The following RTL4 variants were observed in gnomAD, a reference collection of about 807,000 sequenced individuals.
RTL4 encodes the protein retrotransposon Gag like 4.
In RTL4, 4 loss-of-function variants were observed where a neutral mutation model predicts 5.3. That is an observed-to-expected ratio of 0.75 (90% CI 0.37 to 1.72). The LOEUF is 1.72. Ranked by LOEUF, RTL4 falls within the 40% of genes most tolerant of loss-of-function variation. RTL4 has a pLI of 0.04. For synonymous variants in RTL4, 98 were observed against 87.3 expected (o/e 1.12, Z -0.68); for missense variants, 260 against 227.1 (o/e 1.14, Z -0.93).
At chrX:112,095,274 A>G in the RTL4 span, among the ~76,000 whole-genome samples, 1 of 111,192 alleles carries the variant, frequency 9.0e-6, no homozygotes, top group Admixed American at 9.6e-5. Flanking sequence ...GAGATCATTT[A>G]TTGAGGGAGG....
the RTL4 span, among the ~76,000 whole-genome samples, chrX:112,172,046 C>A: frequency 8.9e-6 from 1 of 112,175 alleles, no homozygotes; most frequent in Non-Finnish European, 1.9e-5. Context: ...AAAAAATGGG[C>A]AAAAAGGCTG....
the RTL4 span, among the ~76,000 whole-genome samples, chrX:112,269,805 A>T: frequency 8.9e-6 from 1 of 111,906 alleles, no homozygotes; most frequent in African/African-American, 3.2e-5. Context: ...AATCAAGTGC[A>T]CTGAACCAAT....
At chrX:112,448,558 G>T in the RTL4 span, among the ~76,000 whole-genome samples, 17 of 111,535 alleles carry the variant, frequency 1.5e-4, no homozygotes, top group Non-Finnish European at 2.8e-4. Flanking sequence ...TCTTCATGAT[G>T]CTCCCTCTTC....
the RTL4 span, among the ~76,000 whole-genome samples, chrX:112,216,319 T>C: frequency 1.8e-5 from 2 of 112,119 alleles, no homozygotes; most frequent in Non-Finnish European, 3.8e-5. Context: ...ACACTAACAC[T>C]ACCATTAAAT....
At chrX:112,109,428 G>A in the RTL4 span, among the ~76,000 whole-genome samples, 2 of 111,684 alleles carry the variant, frequency 1.8e-5, no homozygotes, top group Non-Finnish European at 3.8e-5. Flanking sequence ...GGTTGCTGCT[G>A]CTGGATGGGG....
chrX:112,226,952 A>G, the RTL4 span, among the ~76,000 whole-genome samples: 2 of 61,875 alleles, frequency 3.2e-5, no homozygotes, highest in African/African-American at 8.8e-5. Context: ...AAATAAAAAT[A>G]AAATAAAATA....
chrX:112,273,592 GCA>G, the RTL4 span, among the ~76,000 whole-genome samples: 1 of 111,727 alleles, frequency 9.0e-6, no homozygotes, highest in African/African-American at 3.3e-5. Context: ...AAAGATTTCA[GCA>G]CAGAGTCTGG....
chrX:112,313,707 T>C, the RTL4 span, among the ~76,000 whole-genome samples: 2 of 110,013 alleles, frequency 1.8e-5, no homozygotes, highest in African/African-American at 6.6e-5. Context: ...AAAGGTATGA[T>C]TATCTGAAGG....
the RTL4 span, among the ~76,000 whole-genome samples, chrX:112,441,957 T>C: frequency 2.7e-5 from 3 of 112,021 alleles, no homozygotes; most frequent in East Asian, 8.4e-4. Context: ...AATGAAGTAC[T>C]GAGACATGCC....
the RTL4 span, among the ~76,000 whole-genome samples, chrX:112,129,147 A>G: frequency 8.9e-6 from 1 of 112,213 alleles, no homozygotes; most frequent in Admixed American, 9.5e-5. Flanking sequence ...ATACCACTTT[A>G]CACTTTACAC....
the RTL4 span, among the ~76,000 whole-genome samples, chrX:112,297,300 A>AATTTAT: frequency 9.0e-6 from 1 of 111,410 alleles, no homozygotes; most frequent in Non-Finnish European, 1.9e-5. Context: ...GAAACTGGGT[A>AATTTAT]ATTTATAAAG....
the RTL4 span, among the ~76,000 whole-genome samples, chrX:112,395,335 T>C: frequency 9.0e-6 from 1 of 111,565 alleles, no homozygotes; most frequent in African/African-American, 3.3e-5. Flanking sequence ...AAGGAGAGAA[T>C]AGATGTCTCA....
At chrX:112,178,710 C>G in the RTL4 span, among the ~76,000 whole-genome samples, 5 of 111,270 alleles carry the variant, frequency 4.5e-5, no homozygotes, top group Non-Finnish European at 7.5e-5. Flanking sequence ...ATTGCAACTC[C>G]CCTTACCTCA....
At chrX:112,123,897 G>A in the RTL4 span, among the ~76,000 whole-genome samples, 17,852 of 110,544 alleles carry the variant, frequency 0.16, 2,164 homozygotes, top group African/African-American at 0.42. Flanking sequence ...GAGTGAACAG[G>A]CAATGTACAC....
At chrX:112,427,114 A>C in the RTL4 span, among the ~76,000 whole-genome samples, 1 of 111,306 alleles carries the variant, frequency 9.0e-6, no homozygotes, top group African/African-American at 3.3e-5. Flanking sequence ...TCTAATATTA[A>C]AACCAGATAA....
chrX:112,176,228 T>C, the RTL4 span, among the ~76,000 whole-genome samples: 1 of 111,729 alleles, frequency 9.0e-6, no homozygotes, highest in Non-Finnish European at 1.9e-5. Context: ...TAAAAGAGGA[T>C]ACAAACAAAT....
the RTL4 span, among the ~76,000 whole-genome samples, chrX:112,373,675 T>C: frequency 2.1e-5 from 2 of 93,087 alleles, no homozygotes; most frequent in Admixed American, 1.2e-4. Context: ...TACTGCTCAA[T>C]GAATTTTGAA....
the RTL4 span, among the ~76,000 whole-genome samples, chrX:112,229,018 C>A: frequency 3.6e-5 from 4 of 111,672 alleles, no homozygotes; most frequent in African/African-American, 1.3e-4. Flanking sequence ...GACATTTATG[C>A]CAAAAAAAGG....
At chrX:112,096,968 T>C in the RTL4 span, among the ~76,000 whole-genome samples, 19 of 112,478 alleles carry the variant, frequency 1.7e-4, no homozygotes, top group African/African-American at 6.1e-4. Context: ...GACTCTGAGA[T>C]GTAGAAGAAG....
Sources: gnomAD v4.1 joint callset for allele counts (sites outside exome capture counted in the v4.1 genomes callset) on GRCh38, gnomAD v4.1.1 for gene constraint, MANE v1.5 for transcripts, NCBI Gene and HGNC (gene_info 2026-07-23, HGNC 2026-07-21) for gene names.